Variants in SLC25A13 observed in about 807,000 individuals in gnomAD.
SLC25A13 encodes the protein solute carrier family 25 member 13, also known as electrogenic aspartate/glutamate antiporter SLC25A13, mitochondrial.
Under a neutral mutation model 85.5 loss-of-function variants are expected in SLC25A13, and 70 were observed. The observed-to-expected ratio is 0.82, with a 90% confidence interval of 0.68 to 1.00. The LOEUF is 1.00. Among genes scored for constraint, SLC25A13 ranks in the 50% least tolerant of loss-of-function variants. The pLI, the probability that SLC25A13 is intolerant of heterozygous loss-of-function variation, is 0.00. For synonymous variants in SLC25A13, 259 were observed against 288.7 expected (o/e 0.90, Z 1.04); for missense variants, 765 against 819.8 (o/e 0.93, Z 0.82).
At chr7:96,233,174 A>C (rs988273201) in intron 4 of SLC25A13, among the ~76,000 whole-genome samples, 2 of 152,200 alleles carry the variant, frequency 1.3e-5, no homozygotes, top group African/African-American at 4.8e-5. Context: ...TTGCTGGGGA[A>C]AGTAGGAGGA....
At chr7:96,240,370 A>C (rs556975666) in intron 3 of SLC25A13, among the ~76,000 whole-genome samples, 2 of 152,266 alleles carry the variant, frequency 1.3e-5, no homozygotes, top group African/African-American at 4.8e-5. Flanking sequence ...TGATCAAGTA[A>C]AGATGGGAGA....
At chr7:96,167,692 C>T (rs1249199838) in intron 13 of SLC25A13, among the ~76,000 whole-genome samples, 2 of 152,164 alleles carry the variant, frequency 1.3e-5, no homozygotes, top group African/African-American at 4.8e-5. Context: ...CTTTGTATTC[C>T]CAATAGGACA....
intron 15 of SLC25A13, among the ~76,000 whole-genome samples, chr7:96,123,597 G>A (rs1483024015): frequency 6.6e-6 from 1 of 152,158 alleles, no homozygotes; most frequent in Non-Finnish European, 1.5e-5. Flanking sequence ...GAGTTGTGGC[G>A]AATGCTAGAA....
intron 1 of SLC25A13, among the ~76,000 whole-genome samples, chr7:96,302,340 C>A (rs1359537934): frequency 6.6e-6 from 1 of 152,110 alleles, no homozygotes; most frequent in Non-Finnish European, 1.5e-5. Context: ...CCAGAAAATT[C>A]CTACCTGTAG....
chr7:96,158,772 C>A (rs1411024083), intron 13 of SLC25A13, among the ~76,000 whole-genome samples: 2 of 152,106 alleles, frequency 1.3e-5, no homozygotes, highest in Admixed American at 6.5e-5. Flanking sequence ...TAATAAATGT[C>A]TAGTGATTTA....
intron 2 of SLC25A13, among the ~76,000 whole-genome samples, chr7:96,284,187 CAG>C (rs1480781214): frequency 1.3e-5 from 2 of 151,912 alleles, no homozygotes; most frequent in East Asian, 3.9e-4. Flanking sequence ...AGATAGAAAA[CAG>C]TATTTTTTTC....
intron 4 of SLC25A13, 29 bp from the exon 5 acceptor site, chr7:96,209,006 A>C: frequency 6.2e-7 from 1 of 1,611,812 alleles, no homozygotes; most frequent in Middle Eastern, 1.7e-4. Context: ...GGTTGATTAA[A>C]ACAAAGTAAA....
At chr7:96,149,980 C>A (rs1218165704) in intron 13 of SLC25A13, among the ~76,000 whole-genome samples, 1 of 152,058 alleles carries the variant, frequency 6.6e-6, no homozygotes, top group Non-Finnish European at 1.5e-5. Flanking sequence ...TGTGTGTGTG[C>A]AATTTTGTCA....
chr7:96,223,929 A>G (rs764609154), intron 4 of SLC25A13, among the ~76,000 whole-genome samples: 12 of 152,174 alleles, frequency 7.9e-5, no homozygotes, highest in Non-Finnish European at 1.5e-4. Flanking sequence ...TATAAGATAC[A>G]TCACTGGTAT....
intron 14 of SLC25A13, among the ~76,000 whole-genome samples, chr7:96,134,042 T>C (rs1225126375): frequency 1.3e-5 from 2 of 151,082 alleles, no homozygotes; most frequent in Non-Finnish European, 3.0e-5. Context: ...TTTTTTGATA[T>C]GGAGTTTCAC....
intron 1 of SLC25A13, among the ~76,000 whole-genome samples, chr7:96,315,297 T>C (rs1217451805): frequency 6.6e-6 from 1 of 152,116 alleles, no homozygotes; most frequent in Non-Finnish European, 1.5e-5. Context: ...CTTGAAGCAA[T>C]GTGCACCAAA....
intron 14 of SLC25A13, among the ~76,000 whole-genome samples, chr7:96,137,454 A>T (rs1792334885): frequency 6.6e-6 from 1 of 152,208 alleles, no homozygotes; most frequent in South Asian, 2.1e-4. Context: ...TGCTTGGGTC[A>T]GTGCTAGTTC....
intron 14 of SLC25A13, among the ~76,000 whole-genome samples, chr7:96,138,881 A>G: frequency 6.6e-6 from 1 of 152,192 alleles, no homozygotes. Flanking sequence ...TTATAAAAAT[A>G]ATATTTTTCA....
intron 5 of SLC25A13, among the ~76,000 whole-genome samples, chr7:96,195,737 A>G (rs1026162806): frequency 2.0e-5 from 3 of 152,016 alleles, no homozygotes; most frequent in African/African-American, 7.2e-5. Context: ...ACTTCCACCT[A>G]GTGTAGACTG....
At chr7:96,126,571 C>T (rs775800178) in intron 15 of SLC25A13, among the ~76,000 whole-genome samples, 2 of 152,174 alleles carry the variant, frequency 1.3e-5, no homozygotes, top group African/African-American at 4.8e-5. Flanking sequence ...AAAACCTCCA[C>T]CTCCACCCCA....
At chr7:96,128,888 C>T (rs774478140) in intron 15 of SLC25A13, among the ~76,000 whole-genome samples, 7 of 150,284 alleles carry the variant, frequency 4.7e-5, no homozygotes, top group Non-Finnish European at 1.0e-4. Context: ...CTCTGCTTCT[C>T]TATCATCTTG....
chr7:96,225,895 C>G (rs1796312378), intron 4 of SLC25A13, among the ~76,000 whole-genome samples: 1 of 152,148 alleles, frequency 6.6e-6, no homozygotes, highest in Admixed American at 6.5e-5. Context: ...CAAACAGACT[C>G]CGCGCTTAGA....
chr7:96,138,606 C>A (rs1584359042), intron 14 of SLC25A13, among the ~76,000 whole-genome samples: 1 of 151,754 alleles, frequency 6.6e-6, no homozygotes, highest in African/African-American at 2.4e-5. Context: ...CACTATGTTG[C>A]CCAGGCTGGT....
chr7:96,245,792 G>C (rs1797167875), intron 3 of SLC25A13, among the ~76,000 whole-genome samples: 1 of 152,164 alleles, frequency 6.6e-6, no homozygotes, highest in Admixed American at 6.5e-5. Flanking sequence ...AAGAGGTAAA[G>C]AAAGACCATT....
Sources: allele counts gnomAD v4.1 joint callset (sites outside exome capture counted in the v4.1 genomes callset), GRCh38; gene constraint gnomAD v4.1.1; transcripts MANE v1.5; gene names NCBI Gene and HGNC (gene_info 2026-07-23, HGNC 2026-07-21).